The following C20orf203 variants were observed in gnomAD, a reference collection of about 807,000 sequenced individuals.
C20orf203 encodes uncharacterized protein C20orf203.
In C20orf203, 16 loss-of-function variants were observed where a neutral mutation model predicts 15.9. The observed-to-expected ratio is 1.01, with a 90% CI of 0.68 to 1.53. The LOEUF (loss-of-function observed/expected upper bound fraction) is 1.53, where lower values mean the gene tolerates loss of function less well. Among genes scored for constraint, C20orf203 ranks in the 40% most tolerant of loss-of-function variants. C20orf203 has a pLI of 0.00. For missense variants in C20orf203, 263 were observed against 247.5 expected (o/e 1.06, Z -0.42); for synonymous variants, 98 against 97.2 (o/e 1.01, Z -0.05).
chr20:32,636,453 C>A (rs565996007), intron 5 of C20orf203, among the ~76,000 whole-genome samples: 1 of 152,278 alleles, frequency 6.6e-6, no homozygotes, highest in Non-Finnish European at 1.5e-5. Context: ...CTGCCTTTGG[C>A]CCCAGTGGAT....
chr20:32,668,834 G>A (rs1327921824), intron 1 of C20orf203, among the ~76,000 whole-genome samples: 5 of 151,842 alleles, frequency 3.3e-5, no homozygotes, highest in Non-Finnish European at 7.4e-5. Context: ...ATAAATAAAT[G>A]AATAAATGTT....
At chr20:32,670,141 C>T (rs1390527849) in intron 1 of C20orf203, among the ~76,000 whole-genome samples, 3 of 151,966 alleles carry the variant, frequency 2.0e-5, no homozygotes, top group Non-Finnish European at 4.4e-5. Context: ...ACCCGGGAGT[C>T]GGAGGTTGCA....
At chr20:32,666,825 A>ATATATATATATATATATAT (rs1983046198) in intron 1 of C20orf203, among the ~76,000 whole-genome samples, 3 of 103,160 alleles carry the variant, frequency 2.9e-5, no homozygotes, top group Admixed American at 1.8e-4. Context: ...ATATATATAT[A>ATATATATATATATATATAT]GTTTTGTTTT....
chr20:32,661,966 G>C (rs1982900373), intron 1 of C20orf203, among the ~76,000 whole-genome samples: 1 of 152,186 alleles, frequency 6.6e-6, no homozygotes, highest in African/African-American at 2.4e-5. Context: ...CCAGCCCCAG[G>C]AAATGGAGAA....
Position 32,651,007 on chromosome 20 carries a change from G to A in C20orf203, c.135+11C>T. ...AGCCCAGGTGTGGGAGACAGGGACA[G>A]CACTTCTTACCCGGCTCAGCATTCC... On this transcript the variant is annotated intron_variant, in intron 3 of 5. Coordinates refer to ENST00000608990, the MANE Select transcript of C20orf203 (RefSeq NM_182584.4). The A allele has an allele frequency of 6.8e-7, 1 of 1,478,140 alleles. No homozygotes were observed. The highest frequency in any genetic ancestry group is 9.0e-7 in the Non-Finnish European group (1 of 1,110,064). The allele number at this position is 1,478,140 out of a possible 1,614,324, so 91.6% of individuals were successfully genotyped here.
chr20:32,657,425 G>A (rs1415896548), intron 1 of C20orf203: 2 of 152,114 alleles, frequency 1.3e-5, no homozygotes, highest in East Asian at 3.9e-4. Flanking sequence ...AGGAAGAGGA[G>A]GTTGCAGTGA....
rs894818096 is a variant in C20orf203 at position 32,649,446 on chromosome 20, T to G, written c.*986A>C. On this transcript the variant is annotated 3_prime_UTR_variant, in exon 4 of 6. Transcript: ENST00000608990. ...CTCACATCAGCCCATGAAGCAGCTA[T>G]GAATCATAGGGGAACTAAGGCATGG... 6.6e-6 allele frequency: 1 copy of G among 152,362 alleles called. No homozygotes were observed. Among genetic ancestry groups the G allele is most frequent in the African/African-American group, 2.4e-5 (1 of 41,460 alleles). The allele number at this position is 152,362 out of a possible 1,614,324, so 9.4% of individuals were successfully genotyped here. A position where few individuals can be genotyped will look rare whatever the true frequency, so the allele number is the denominator to read the frequency against.
At chr20:32,665,705 C>G (rs560938885) in intron 1 of C20orf203, among the ~76,000 whole-genome samples, 1 of 152,240 alleles carries the variant, frequency 6.6e-6, no homozygotes, top group South Asian at 2.1e-4. Context: ...GTGGCTCATG[C>G]CTGTAATCCC....
At position 32,650,092 on chromosome 20, in the gene C20orf203, C is replaced by T. The variant is rs939280377; in HGVS notation, c.*340G>A. 3 of 271,990 alleles carry T rather than the reference C, an allele frequency of 1.1e-5. No homozygotes were observed. The highest frequency in any genetic ancestry group is 2.2e-5 in the African/African-American group (1 of 46,138). 16.8% of individuals were successfully genotyped at this position (271,990 alleles called of 1,614,324 possible). A position where few individuals can be genotyped will look rare whatever the true frequency, so the allele number is the denominator to read the frequency against. On this transcript the variant is annotated 3_prime_UTR_variant, in exon 4 of 6. Transcript: ENST00000608990. Reference sequence around the variant, plus strand: ...CAGGAGTACTGCAGCCTCCTCCCAGCACTCAGGGACCAAGCCAGAGAGATG... The same window carrying T: ...CAGGAGTACTGCAGCCTCCTCCCAGTACTCAGGGACCAAGCCAGAGAGATG...
At chr20:32,662,214 T>C (rs778794493) in intron 1 of C20orf203, among the ~76,000 whole-genome samples, 4 of 152,162 alleles carry the variant, frequency 2.6e-5, no homozygotes, top group Non-Finnish European at 5.9e-5. Flanking sequence ...TAGTCTTTGT[T>C]TTGGGGGCTT....
intron 1 of C20orf203, among the ~76,000 whole-genome samples, chr20:32,665,072 A>T (rs1182515388): frequency 2.0e-5 from 3 of 152,150 alleles, no homozygotes; most frequent in Non-Finnish European, 4.4e-5. Context: ...GCTGCCAAGT[A>T]AGTTCCCCTG....
intron 4 of C20orf203, among the ~76,000 whole-genome samples, chr20:32,642,188 T>A (rs1982300858): frequency 6.6e-6 from 1 of 152,188 alleles, no homozygotes; most frequent in South Asian, 2.1e-4. Context: ...GGAAGTAGCA[T>A]TTAGAGCCAG....
chr20:32,658,371 C>T (rs558955325), intron 1 of C20orf203, among the ~76,000 whole-genome samples: 17 of 152,224 alleles, frequency 1.1e-4, no homozygotes, highest in East Asian at 9.7e-4. Flanking sequence ...GGCAGGATCA[C>T]GGCTCACTGC....
chr20:32,657,501 C>T (rs1459472012), intron 1 of C20orf203: 1 of 150,782 alleles, frequency 6.6e-6, no homozygotes, highest in Admixed American at 6.6e-5. Flanking sequence ...AAAACAACAA[C>T]AACAACAACA....
In C20orf203 at chr20:32,661,611, T is replaced by TGAGCAGGAATTTGTCTGGGA. The variant is rs552585359; in HGVS notation, c.-263-9650_-263-9631dup. 4.0e-3 allele frequency among the ~76,000 whole-genome samples: 610 copies of TGAGCAGGAATTTGTCTGGGA among 152,272 alleles called. 5 individuals are homozygous for TGAGCAGGAATTTGTCTGGGA. The highest frequency in any genetic ancestry group is 0.014 in the African/African-American group (579 of 41,546). On this transcript the variant is annotated intron_variant, in intron 1 of 5. Coordinates refer to ENST00000608990, the MANE Select transcript of C20orf203 (RefSeq NM_182584.4). Reference sequence around the variant, plus strand: ...TTCCTTGGGCCTGGTTCTGGGGTGCTGAGCAGGAATTTGTCTGGGAGAGCA... The same window carrying TGAGCAGGAATTTGTCTGGGA: ...TTCCTTGGGCCTGGTTCTGGGGTGCTGAGCAGGAATTTGTCTGGGAGAGCAGGAATTTGTCTGGGAGAGCA...
At chr20:32,650,908 A>G (rs1388584881) in intron 3 of C20orf203, 27 bp from the exon 4 acceptor site, 3 of 1,444,778 alleles carry the variant, frequency 2.1e-6, no homozygotes, top group Non-Finnish European at 2.7e-6. Flanking sequence ...CCCCAAGAAG[A>G]TCATAGAATC....
intron 5 of C20orf203, among the ~76,000 whole-genome samples, chr20:32,636,403 A>T (rs977863808): frequency 1.3e-5 from 2 of 152,174 alleles, no homozygotes; most frequent in African/African-American, 4.8e-5. Flanking sequence ...GCCTGCTGGA[A>T]TCAACGAAAG....
chr20:32,655,474 A>G (rs1183492853), intron 1 of C20orf203, among the ~76,000 whole-genome samples: 1 of 152,124 alleles, frequency 6.6e-6, no homozygotes, highest in Non-Finnish European at 1.5e-5. Context: ...TTACAACTCA[A>G]TAATAAAAGA....
At chr20:32,666,762 CAAAAAA>C (rs375016307) in intron 1 of C20orf203, among the ~76,000 whole-genome samples, 4 of 61,566 alleles carry the variant, frequency 6.5e-5, no homozygotes, top group Admixed American at 4.5e-4. Context: ...GACTCCATCT[CAAAAAA>C]AAAAAAAAAA....
Sources: allele counts gnomAD v4.1 joint callset (sites outside exome capture counted in the v4.1 genomes callset), GRCh38; gene constraint gnomAD v4.1.1; transcripts MANE v1.5; gene names NCBI Gene and HGNC (gene_info 2026-07-23, HGNC 2026-07-21).